FAF1: variants seen among roughly 807,000 people sequenced by gnomAD.
FAF1 encodes the protein Fas associated factor 1.
FAF1 carries 25 observed loss-of-function variants against 92.5 expected under a neutral mutation model. The observed-to-expected ratio is 0.27, with a 90% CI of 0.20 to 0.38. FAF1 has a LOEUF of 0.38. Ranked by LOEUF, FAF1 falls within the 10% of genes least tolerant of loss-of-function variation. FAF1 has a pLI of 1.00. For missense variants in FAF1, 636 were observed against 793.3 expected (o/e 0.80, Z 2.38); for synonymous variants, 234 against 273.2 (o/e 0.86, Z 1.42).
At chr1:50,645,892 T>C (rs1171092098) in intron 8 of FAF1, among the ~76,000 whole-genome samples, 1 of 152,070 alleles carries the variant, frequency 6.6e-6, no homozygotes, top group Non-Finnish European at 1.5e-5. Context: ...GAAAATACTA[T>C]TGACAAAAAC....
intron 8 of FAF1, among the ~76,000 whole-genome samples, chr1:50,632,841 A>G (rs1035381323): frequency 6.6e-6 from 1 of 152,132 alleles, no homozygotes; most frequent in Admixed American, 6.6e-5. Flanking sequence ...AGGTGAAAGT[A>G]TTGGCTTCTT....
chr1:50,527,661 C>A (rs1647884906), intron 15 of FAF1, among the ~76,000 whole-genome samples: 1 of 152,184 alleles, frequency 6.6e-6, no homozygotes, highest in African/African-American at 2.4e-5. Context: ...TTACTTTGCA[C>A]ACATTAGTAG....
chr1:50,899,946 A>G (rs1422863706), intron 1 of FAF1, among the ~76,000 whole-genome samples: 1 of 152,190 alleles, frequency 6.6e-6, no homozygotes, highest in Non-Finnish European at 1.5e-5. Context: ...CATTTATTAT[A>G]AAGTATTTTC....
At chr1:50,501,439 C>T (rs1207864296) in intron 15 of FAF1, among the ~76,000 whole-genome samples, 13 of 152,112 alleles carry the variant, frequency 8.5e-5, no homozygotes, top group African/African-American at 2.7e-4. Flanking sequence ...CCAAGGCAGG[C>T]GGATCACGAG....
chr1:50,678,269 T>C (rs1204326885), intron 7 of FAF1, among the ~76,000 whole-genome samples: 1 of 152,184 alleles, frequency 6.6e-6, no homozygotes, highest in African/African-American at 2.4e-5. Flanking sequence ...TTAGATTCTA[T>C]ATTATGGGAT....
At chr1:50,498,798 C>T (rs187675144) in intron 15 of FAF1, among the ~76,000 whole-genome samples, 8 of 150,668 alleles carry the variant, frequency 5.3e-5, no homozygotes, top group African/African-American at 1.7e-4. Context: ...TGCAGTGAAC[C>T]GAGATCGTGC....
At chr1:50,859,700 T>C (rs1004430700) in intron 1 of FAF1, among the ~76,000 whole-genome samples, 2 of 152,010 alleles carry the variant, frequency 1.3e-5, no homozygotes, top group African/African-American at 4.8e-5. Context: ...AGAGATTCAA[T>C]GCTATTCCTA....
chr1:50,686,651 A>G (rs1001125465), intron 7 of FAF1, among the ~76,000 whole-genome samples: 6 of 151,916 alleles, frequency 3.9e-5, no homozygotes, highest in Non-Finnish European at 8.8e-5. Flanking sequence ...ACACGTATAA[A>G]CTATGGTTCC....
At chr1:50,921,943 G>C (rs1644966742) in intron 1 of FAF1, among the ~76,000 whole-genome samples, 1 of 152,040 alleles carries the variant, frequency 6.6e-6, no homozygotes, top group South Asian at 2.1e-4. Flanking sequence ...AAGGCAGGTG[G>C]ATCACCTGAG....
chr1:50,535,131 C>T (rs531093550), intron 15 of FAF1, among the ~76,000 whole-genome samples: 34 of 152,108 alleles, frequency 2.2e-4, no homozygotes, highest in Admixed American at 4.6e-4. Flanking sequence ...CCTGTACCCA[C>T]CCCAAATCTA....
chr1:50,698,943 AT>A (rs1657348674), intron 7 of FAF1, among the ~76,000 whole-genome samples: 3 of 152,252 alleles, frequency 2.0e-5, no homozygotes, highest in Admixed American at 2.0e-4. Context: ...TATTGATGCA[AT>A]ATGCCTTTTA....
rs546569072 is a variant in FAF1 at position 50,502,109 on chromosome 1, A to G, written c.1495-10308T>C. ...TTATCATCATAAGATTTCAAAAAAT[A>G]GGCATAATAAGCCCTTTATCAGTGG... is the stretch of plus-strand genomic sequence containing the variant. On this transcript the variant is annotated intron_variant, in intron 15 of 18. Coordinates refer to ENST00000396153, the MANE Select transcript of FAF1 (RefSeq NM_007051.3). Among the ~76,000 whole-genome samples the G allele has an allele frequency of 5.9e-5, 9 of 152,348 alleles. No individual in the cohort carries two copies. The East Asian group carries it at 1.5e-3, about 26-fold the overall frequency.
intron 18 of FAF1, among the ~76,000 whole-genome samples, chr1:50,447,315 C>T (rs949591426): frequency 5.9e-5 from 9 of 151,914 alleles, no homozygotes; most frequent in South Asian, 2.1e-4. Context: ...TTAGTAGAGA[C>T]GGGGTTTCAC....
chr1:50,858,834 C>T (rs934268871), intron 1 of FAF1, among the ~76,000 whole-genome samples: 1 of 151,770 alleles, frequency 6.6e-6, no homozygotes. Context: ...AAGCTGGGCA[C>T]ATTAATAAAG....
At chr1:50,640,883 G>A (rs1654295934) in intron 8 of FAF1, among the ~76,000 whole-genome samples, 1 of 133,930 alleles carries the variant, frequency 7.5e-6, no homozygotes, top group Non-Finnish European at 1.5e-5. Flanking sequence ...CGCCAGGCTG[G>A]AGTGCAGTGG....
intron 4 of FAF1, among the ~76,000 whole-genome samples, chr1:50,777,467 C>T (rs1212109312): frequency 6.6e-6 from 1 of 151,920 alleles, no homozygotes; most frequent in Non-Finnish European, 1.5e-5. Context: ...TCAAAAATGC[C>T]ATAGTGAATT....
intron 13 of FAF1, among the ~76,000 whole-genome samples, chr1:50,566,179 T>C (rs1191732160): frequency 1.3e-5 from 2 of 152,098 alleles, no homozygotes; most frequent in African/African-American, 4.8e-5. Flanking sequence ...ATCATGTTCT[T>C]TTCTGATTCA....
intron 1 of FAF1, among the ~76,000 whole-genome samples, chr1:50,952,625 G>T (rs1282152988): frequency 6.6e-6 from 1 of 151,968 alleles, no homozygotes; most frequent in East Asian, 1.9e-4. Context: ...GAAGTGAGGA[G>T]CGCCTCTTCC....
chr1:50,441,476 G>A lies in FAF1; in HGVS notation c.1917C>T (p.Phe639=), dbSNP rs1357367875. 2 of 1,545,378 alleles carry A rather than the reference G, an allele frequency of 1.3e-6. No homozygotes were observed. The highest frequency in any genetic ancestry group is 1.8e-6 in the Non-Finnish European group (2 of 1,142,114). ...PNKSLLEVKL[F]PQETLFLEAK... ...CTTCAAGGAAAAGGGTTTCTTGAGG[G>A]AACAACTTTACCTCCAATAATGATT... Residue 639 remains phenylalanine, a synonymous_variant, in exon 19 of 19, where the codon TTC becomes TTT. Transcript: ENST00000396153.
Sources: allele counts gnomAD v4.1 joint callset (sites outside exome capture counted in the v4.1 genomes callset), GRCh38; gene constraint gnomAD v4.1.1; transcripts MANE v1.5; gene names NCBI Gene and HGNC (gene_info 2026-07-23, HGNC 2026-07-21).